CHST11: variants seen among roughly 807,000 people sequenced by gnomAD.
The protein encoded by CHST11 is carbohydrate sulfotransferase 11, also known as C4S-1.
CHST11 carries 9 observed loss-of-function variants against 30.4 expected under a neutral mutation model. That is an observed-to-expected ratio of 0.30 (90% CI 0.18 to 0.52). The LOEUF (loss-of-function observed/expected upper bound fraction) is 0.52. CHST11 is among the 20% of genes least tolerant of loss of function. The pLI, the probability that CHST11 is intolerant of heterozygous loss-of-function variation, is 0.97. For missense variants in CHST11, 348 were observed against 460.6 expected, an observed-to-expected ratio of 0.76 and a Z score of 2.24; for synonymous variants, 152 against 187.8, an observed-to-expected ratio of 0.81 and a Z score of 1.56.
intron 2 of CHST11, among the ~76,000 whole-genome samples, chr12:104,749,380 G>A (rs942336184): frequency 6.6e-6 from 1 of 152,162 alleles, no homozygotes; most frequent in Non-Finnish European, 1.5e-5. Flanking sequence ...CTAAATCCCA[G>A]CCCTCATAGA....
chr12:104,710,324 G>A (rs559082781), intron 2 of CHST11, among the ~76,000 whole-genome samples: 14 of 152,216 alleles, frequency 9.2e-5, no homozygotes, highest in East Asian at 1.9e-4. Context: ...CACCGCTGGC[G>A]TGGTCTTCAG....
chr12:104,491,410 G>A (rs2037744740), intron 1 of CHST11, among the ~76,000 whole-genome samples: 1 of 152,050 alleles, frequency 6.6e-6, no homozygotes, highest in African/African-American at 2.4e-5. Flanking sequence ...GTCTGAATGA[G>A]ATTTTCAGAA....
At chr12:104,465,702 C>T (rs1396175599) in intron 1 of CHST11, among the ~76,000 whole-genome samples, 1 of 152,076 alleles carries the variant, frequency 6.6e-6, no homozygotes, top group Non-Finnish European at 1.5e-5. Flanking sequence ...CGGTCACCAC[C>T]CAATCCATGT....
At chr12:104,642,546 G>A (rs539169456) in intron 2 of CHST11, among the ~76,000 whole-genome samples, 40 of 152,172 alleles carry the variant, frequency 2.6e-4, no homozygotes, top group Admixed American at 6.5e-5. Context: ...GACTACAGGC[G>A]TGTGCCACCA....
intron 2 of CHST11, among the ~76,000 whole-genome samples, chr12:104,672,236 A>T (rs1391118937): frequency 1.4e-5 from 2 of 144,206 alleles, no homozygotes; most frequent in African/African-American, 5.7e-5. Flanking sequence ...TGTGGGAGAG[A>T]GGGGATTGTC....
intron 2 of CHST11, among the ~76,000 whole-genome samples, chr12:104,670,063 A>C (rs926033847): frequency 6.6e-6 from 1 of 152,240 alleles, no homozygotes; most frequent in East Asian, 1.9e-4. Context: ...CACCTAAGCC[A>C]ACAGCTGGAC....
intron 2 of CHST11, among the ~76,000 whole-genome samples, chr12:104,627,264 C>T (rs1394337224): frequency 1.3e-5 from 2 of 152,094 alleles, no homozygotes; most frequent in East Asian, 1.9e-4. Flanking sequence ...TGGTTGCTTC[C>T]AAGTTTTGGC....
intron 2 of CHST11, among the ~76,000 whole-genome samples, chr12:104,607,999 G>A (rs951159881): frequency 2.0e-5 from 3 of 152,138 alleles, no homozygotes; most frequent in Non-Finnish European, 4.4e-5. Context: ...TCAAGCCTGT[G>A]GTCTTCATAT....
At chr12:104,596,042 G>C (rs547757493) in intron 1 of CHST11, among the ~76,000 whole-genome samples, 1 of 152,312 alleles carries the variant, frequency 6.6e-6, no homozygotes, top group East Asian at 1.9e-4. Flanking sequence ...GGATGAGGAA[G>C]AGCTGGGAGA....
intron 1 of CHST11, among the ~76,000 whole-genome samples, chr12:104,544,180 A>AAGAAAGAAAGAAAGAAAGAAAGAT (rs1182750741): frequency 6.7e-6 from 1 of 148,560 alleles, no homozygotes; most frequent in African/African-American, 2.5e-5. Flanking sequence ...GAAAGAAAGA[A>AAGAAAGAAAGAAAGAAAGAAAGAT]AGACCTGAAA....
intron 2 of CHST11, among the ~76,000 whole-genome samples, chr12:104,621,672 G>T (rs915884633): frequency 6.6e-6 from 1 of 152,204 alleles, no homozygotes; most frequent in Non-Finnish European, 1.5e-5. Context: ...TAAGTGACCT[G>T]TAAAAGATGG....
At chr12:104,581,610 G>A (rs1178605781) in intron 1 of CHST11, among the ~76,000 whole-genome samples, 1 of 152,158 alleles carries the variant, frequency 6.6e-6, no homozygotes, top group Non-Finnish European at 1.5e-5. Context: ...GTTATTTGGT[G>A]GGCAGGAGGG....
chr12:104,629,939 A>G (rs1450923449), intron 2 of CHST11, among the ~76,000 whole-genome samples: 1 of 152,210 alleles, frequency 6.6e-6, no homozygotes, highest in East Asian at 1.9e-4. Context: ...GGGCAACATT[A>G]TCTAGCACAA....
intron 2 of CHST11, among the ~76,000 whole-genome samples, chr12:104,674,081 TA>T (rs1220700300): frequency 6.6e-6 from 1 of 152,242 alleles, no homozygotes; most frequent in Non-Finnish European, 1.5e-5. Flanking sequence ...CCAGCACAGA[TA>T]AGGCTGTACA....
intron 2 of CHST11, among the ~76,000 whole-genome samples, chr12:104,709,962 C>T (rs569053959): frequency 1.2e-4 from 18 of 152,176 alleles, no homozygotes; most frequent in African/African-American, 2.9e-4. Context: ...TTTGGGACAC[C>T]GAGGTGGGAG....
intron 1 of CHST11, among the ~76,000 whole-genome samples, chr12:104,575,422 G>T (rs1193903740): frequency 2.0e-5 from 3 of 152,176 alleles, no homozygotes; most frequent in Non-Finnish European, 2.9e-5. Flanking sequence ...GGCCATGTCA[G>T]GTGGGGACAG....
At chr12:104,637,302 T>TCTC (rs1555239319) in intron 2 of CHST11, among the ~76,000 whole-genome samples, 3,354 of 62,162 alleles carry the variant, frequency 0.054, 488 homozygotes, top group Middle Eastern at 0.082. Context: ...TGAGACCCTG[T>TCTC]AAAAAAAAAA....
In CHST11 at chr12:104,759,537, G is replaced by T. The variant is rs920293939; in HGVS notation, c.*1734G>T. 6.6e-6 allele frequency: 1 copy of T among 152,090 alleles called. No individual in the cohort carries two copies. The highest frequency in any genetic ancestry group is 1.9e-4 in the East Asian group (1 of 5,196). 9.4% of individuals were successfully genotyped at this position (152,090 alleles called of 1,614,324 possible). A position where few individuals can be genotyped will look rare whatever the true frequency, so the allele number is the denominator to read the frequency against. On this transcript the variant is annotated 3_prime_UTR_variant, in exon 3 of 3. Transcript: ENST00000303694. ...TTTTGATGCCGTATATAGTGAAGGG[G>T]TGAGGATATTCTAAACAAACAAAAA...
intron 1 of CHST11, among the ~76,000 whole-genome samples, chr12:104,570,481 C>A: frequency 6.6e-6 from 1 of 152,092 alleles, no homozygotes; most frequent in East Asian, 1.9e-4. Flanking sequence ...AAATCAGGAA[C>A]CAAGCTCACT....
Sources: gnomAD v4.1 joint callset for allele counts (sites outside exome capture counted in the v4.1 genomes callset) on GRCh38, gnomAD v4.1.1 for gene constraint, MANE v1.5 for transcripts, NCBI Gene and HGNC (gene_info 2026-07-23, HGNC 2026-07-21) for gene names.